The following MICU1 variants were observed in gnomAD, a reference collection of about 807,000 sequenced individuals.
MICU1 encodes calcium uptake protein 1, mitochondrial.
In MICU1, 45 loss-of-function variants were observed where a neutral mutation model predicts 56.8. The observed-to-expected ratio is 0.79, with a 90% CI of 0.62 to 1.02. The LOEUF (loss-of-function observed/expected upper bound fraction) is 1.02, where lower values mean the gene tolerates loss of function less well. Ranked by LOEUF, MICU1 falls within the 50% of genes least tolerant of loss-of-function variation. The pLI, the probability that MICU1 is intolerant of heterozygous loss-of-function variation, is 0.00. For synonymous variants in MICU1, 186 were observed against 195.1 expected, an observed-to-expected ratio of 0.95 and a Z score of 0.39; for missense variants, 504 against 587.1, an observed-to-expected ratio of 0.86 and a Z score of 1.46.
chr10:72,423,709 A>G (rs1207303342), intron 8 of MICU1, among the ~76,000 whole-genome samples: 1 of 152,182 alleles, frequency 6.6e-6, no homozygotes, highest in East Asian at 1.9e-4. Flanking sequence ...ACAGATGGAT[A>G]ACATTTACTG....
chr10:72,402,958 T>A (rs555330025), intron 10 of MICU1, among the ~76,000 whole-genome samples: 7 of 152,128 alleles, frequency 4.6e-5, no homozygotes, highest in Non-Finnish European at 7.4e-5. Flanking sequence ...TGTGAGAGGA[T>A]TGCTTGAGCC....
chr10:72,585,299 C>T (rs910906349), intron 1 of MICU1, among the ~76,000 whole-genome samples: 1 of 151,946 alleles, frequency 6.6e-6, no homozygotes, highest in Non-Finnish European at 1.5e-5. Flanking sequence ...AGCTAAGATA[C>T]ATTTCAACTT....
intron 8 of MICU1, among the ~76,000 whole-genome samples, chr10:72,423,711 C>T (rs1297216993): frequency 6.6e-6 from 1 of 152,140 alleles, no homozygotes; most frequent in African/African-American, 2.4e-5. Flanking sequence ...AGATGGATAA[C>T]ATTTACTGAT....
At chr10:72,375,616 T>G (rs1862490714) in intron 11 of MICU1, among the ~76,000 whole-genome samples, 167 bp downstream of exon 11, 1 of 152,264 alleles carries the variant, frequency 6.6e-6, no homozygotes, top group Non-Finnish European at 1.5e-5. Context: ...GGGGTTCGAT[T>G]TCTCAGTATC....
chr10:72,561,826 T>C (rs1172365120), intron 3 of MICU1, among the ~76,000 whole-genome samples: 4 of 152,084 alleles, frequency 2.6e-5, no homozygotes, highest in Admixed American at 6.6e-5. Context: ...ATAAAAAAAT[T>C]ACTTCATCTA....
chr10:72,604,974 T>C (rs942554393), intron 1 of MICU1, among the ~76,000 whole-genome samples: 3 of 152,172 alleles, frequency 2.0e-5, no homozygotes, highest in East Asian at 3.8e-4. Context: ...ATAATGAGAA[T>C]TAAATGTAAT....
chr10:72,620,104 A>G (rs1294777935), intron 1 of MICU1, among the ~76,000 whole-genome samples: 2 of 152,196 alleles, frequency 1.3e-5, no homozygotes, highest in African/African-American at 4.8e-5. Flanking sequence ...TAAAAAGCAA[A>G]ATCTAAATTA....
At chr10:72,607,355 A>G (rs992586424) in intron 1 of MICU1, among the ~76,000 whole-genome samples, 2 of 143,070 alleles carry the variant, frequency 1.4e-5, no homozygotes, top group African/African-American at 2.6e-5. Context: ...AAAAAAAAAA[A>G]GGGAGCTGGG....
At chr10:72,477,077 C>G in intron 7 of MICU1, 97 bp downstream of exon 7, 1 of 829,058 alleles carries the variant, frequency 1.2e-6, no homozygotes, top group African/African-American at 1.8e-5. Context: ...TTGGAATAGC[C>G]TCTGAGTATA....
intron 5 of MICU1, chr10:72,531,573 CT>C (rs1839484089): frequency 1.3e-5 from 2 of 152,020 alleles, no homozygotes; most frequent in African/African-American, 4.8e-5. Flanking sequence ...AAAAAATTAG[CT>C]GGGCATGGTG....
In MICU1 at chr10:72,479,006, C is replaced by T. The variant is rs115115331; in HGVS notation, c.653-1750G>A. On this transcript the variant is annotated intron_variant, in intron 6 of 11. Coordinates refer to ENST00000361114, the MANE Select transcript of MICU1 (RefSeq NM_001195518.2). ...TTTGTTGTCACTTCTCAAATTTTTGCTACCTGTCTGAATGTTACATTTTAC... is the reference window on the plus strand; with the variant it reads ...TTTGTTGTCACTTCTCAAATTTTTGTTACCTGTCTGAATGTTACATTTTAC... Among the ~76,000 whole-genome samples, 403 of 152,282 alleles carry T rather than the reference C, an allele frequency of 2.6e-3. 4 individuals carry two copies. Among genetic ancestry groups the T allele is most frequent in the African/African-American group, 9.3e-3 (386 of 41,548 alleles).
intron 10 of MICU1, among the ~76,000 whole-genome samples, chr10:72,404,275 C>T (rs551632758): frequency 7.2e-5 from 11 of 152,310 alleles, no homozygotes; most frequent in South Asian, 2.1e-4. Context: ...TGAGCCACCA[C>T]GCCCAGACTA....
Position 72,616,123 on chromosome 10 carries a change from T to C in MICU1, c.-2+9887A>G, listed in dbSNP as rs1206246543. 2.6e-5 allele frequency among the ~76,000 whole-genome samples: 4 copies of C among 152,370 alleles called. No individual in the cohort carries two copies. The East Asian group carries it at 7.7e-4, about 29-fold the overall frequency. ...TCTATCATCTGTGTCACTTCTGTTTTGGTTTCTAATTTTCTTCTCATCAGT... is the reference window on the plus strand; with the variant it reads ...TCTATCATCTGTGTCACTTCTGTTTCGGTTTCTAATTTTCTTCTCATCAGT... On this transcript the variant is annotated intron_variant, in intron 1 of 11. Coordinates refer to ENST00000361114, the MANE Select transcript of MICU1 (RefSeq NM_001195518.2).
intron 1 of MICU1, among the ~76,000 whole-genome samples, chr10:72,585,421 G>A (rs755962682): frequency 3.9e-5 from 6 of 152,088 alleles, no homozygotes; most frequent in African/African-American, 9.6e-5. Flanking sequence ...TAGGCCAGGC[G>A]CGGTGGCTCA....
intron 1 of MICU1, among the ~76,000 whole-genome samples, chr10:72,616,003 C>CA (rs1010393250): frequency 6.6e-6 from 1 of 151,484 alleles, no homozygotes; most frequent in East Asian, 1.9e-4. Flanking sequence ...AAACAAAAAA[C>CA]AAAAAACAAA....
chr10:72,464,231 G>A (rs1865719846), intron 8 of MICU1, among the ~76,000 whole-genome samples: 2 of 148,126 alleles, frequency 1.4e-5, no homozygotes, highest in South Asian at 4.2e-4. Context: ...AAGAGGCAGA[G>A]GTTGCAGTGA....
At chr10:72,451,891 GTCTC>G (rs778937269) in intron 8 of MICU1, among the ~76,000 whole-genome samples, 19 of 151,964 alleles carry the variant, frequency 1.3e-4, no homozygotes, top group Admixed American at 3.3e-4. Context: ...TTGAGATGGA[GTCTC>G]TCTCTGTCAC....
intron 6 of MICU1, among the ~76,000 whole-genome samples, chr10:72,507,415 A>AT (rs1205007799): frequency 6.6e-6 from 1 of 152,222 alleles, no homozygotes; most frequent in East Asian, 1.9e-4. Context: ...GTGAGTCAAA[A>AT]TTGAGTTTTG....
chr10:72,495,132 C>G (rs927817514), intron 6 of MICU1, among the ~76,000 whole-genome samples: 1 of 151,814 alleles, frequency 6.6e-6, no homozygotes, highest in Non-Finnish European at 1.5e-5. Context: ...CAAGCCAGTG[C>G]TTTTCTACTT....
Sources: gnomAD v4.1 joint callset for allele counts (sites outside exome capture counted in the v4.1 genomes callset) on GRCh38, gnomAD v4.1.1 for gene constraint, MANE v1.5 for transcripts, NCBI Gene and HGNC (gene_info 2026-07-23, HGNC 2026-07-21) for gene names.